The following DHX34 variants were observed in gnomAD, a reference collection of about 807,000 sequenced individuals.
DHX34 encodes the protein DExH-box helicase 34.
Under a neutral mutation model 111.1 loss-of-function variants are expected in DHX34, and 96 were observed. The observed-to-expected ratio is 0.86, with a 90% CI of 0.73 to 1.02. The LOEUF is 1.02. Ranked by LOEUF, DHX34 falls within the 50% of genes least tolerant of loss-of-function variation. DHX34 has a pLI of 0.00. For synonymous variants in DHX34, 688 were observed against 670.4 expected, an observed-to-expected ratio of 1.03 and a Z score of -0.41; for missense variants, 1,560 against 1,579.9, an observed-to-expected ratio of 0.99 and a Z score of 0.21.
intron 7 of DHX34, among the ~76,000 whole-genome samples, chr19:47,368,531 C>T (rs1319030732): frequency 1.3e-5 from 2 of 150,406 alleles, no homozygotes; most frequent in Non-Finnish European, 3.0e-5. Flanking sequence ...GTCTTGAACT[C>T]CCGACCTCAG....
Position 47,381,277 on chromosome 19 carries a change from T to A in DHX34, c.3251T>A (p.Ile1084Asn). The A allele has an allele frequency of 6.2e-7, 1 of 1,613,868 alleles. No individual in the cohort carries two copies. The highest frequency in any genetic ancestry group is 8.5e-7 in the Non-Finnish European group (1 of 1,179,906). ...GCGCCCCTCACGCCCCTGGAGCGCA[T>A]CGCCCATGAGAACACCTGCCCCCAG... ...LHAPLTPLER[I>N]AHENTCPQAP... is the part of the protein sequence containing the mutation. Residue 1084 changes from isoleucine to asparagine, a missense_variant, in exon 16 of 17, where the codon ATC (isoleucine) becomes AAC (asparagine). By Grantham distance (149) the Ile-to-Asn change is moderately radical (BLOSUM62 -3). Coordinates refer to ENST00000328771, the MANE Select transcript of DHX34 (RefSeq NM_014681.6).
At chr19:47,375,767 G>C (rs977387042) in intron 10 of DHX34, 59 bp downstream of exon 10, 1 of 1,364,674 alleles carries the variant, frequency 7.3e-7, no homozygotes, top group African/African-American at 2.3e-5. Flanking sequence ...GGCCTCTCCT[G>C]GGGGGGTCCC....
rs368173613 is a variant in DHX34, at chr19:47,362,759, T to TTTTTA, written c.1593+91_1593+95dup. On this transcript the variant is annotated intron_variant, in intron 6 of 16. Transcript: ENST00000328771. ...GCACAGGGAGGAACCTGGGAGGCCT[T>TTTTTA]TTTTATTTTATTTTATTTTATTTTA... The TTTTTA allele has an allele frequency of 1.9e-3, 2,653 of 1,373,150 alleles. 43 individuals carry two copies. The African/African-American group carries it at 0.026, about 14-fold the overall frequency. The allele number at this position is 1,373,150 out of a possible 1,614,324, so 85.1% of individuals were successfully genotyped here.
In DHX34 at chr19:47,367,171, C is replaced by G. The variant is rs556613844; in HGVS notation, c.1768+16C>G. The stretch of plus-strand genomic sequence containing the variant: ...GTTGTGATTGGTGAGTACCCACCCC[C>G]CTCCTGATCACTCAGGGCCCCAGGA... On this transcript the variant is annotated intron_variant, in intron 7 of 16. Coordinates refer to ENST00000328771, the MANE Select transcript of DHX34 (RefSeq NM_014681.6). 4.1e-5 allele frequency: 60 copies of G among 1,466,858 alleles called. No individual in the cohort carries two copies. The highest frequency in any genetic ancestry group is 5.3e-5 in the Non-Finnish European group (58 of 1,103,632). The allele number at this position is 1,466,858 out of a possible 1,614,324, so 90.9% of individuals were successfully genotyped here. A position where few individuals can be genotyped will look rare whatever the true frequency, so the allele number is the denominator to read the frequency against.
In DHX34 at chr19:47,353,990, T is replaced by C. The variant is rs1482216798; in HGVS notation, c.705+255T>C. On this transcript the variant is annotated intron_variant, in intron 2 of 16. Transcript: ENST00000328771. The surrounding 1 kb of genome is among the most constrained non-coding windows in gnomAD (Gnocchi z 4.6). Reference sequence around the variant, plus strand: ...TCATCACTTTTTTTTTGAGACGGAGTCTCACTCTGTGGCCCAGGCTGGAGT... The same window carrying C: ...TCATCACTTTTTTTTTGAGACGGAGCCTCACTCTGTGGCCCAGGCTGGAGT... 1.3e-5 allele frequency among the ~76,000 whole-genome samples: 2 copies of C among 151,852 alleles called. No individual in the cohort carries two copies. Among genetic ancestry groups the C allele is most frequent in the Admixed American group, 6.6e-5 (1 of 15,238 alleles).
intron 13 of DHX34, among the ~76,000 whole-genome samples, chr19:47,379,236 C>T (rs911802474): frequency 2.0e-5 from 3 of 152,168 alleles, no homozygotes; most frequent in African/African-American, 7.2e-5. Context: ...GTACCATCCC[C>T]GGTCCCCAAA....
In DHX34 at chr19:47,372,933, G is replaced by T. The variant is rs1323267845; in HGVS notation, c.1962+10G>T. ...CAACGCCTGGGTGCAGGTGAGGCTG[G>T]TGGTGGGGGCCCTCTGTCTGTCACC... On this transcript the variant is annotated intron_variant, in intron 8 of 16. Coordinates refer to ENST00000328771, the MANE Select transcript of DHX34 (RefSeq NM_014681.6). The T allele has an allele frequency of 1.3e-6, 2 of 1,583,498 alleles. No homozygotes were observed. Among genetic ancestry groups the T allele is most frequent in the Non-Finnish European group, 1.7e-6 (2 of 1,169,540 alleles).
chr19:47,378,715 A>C (rs1158123524), intron 13 of DHX34, among the ~76,000 whole-genome samples: 2 of 152,216 alleles, frequency 1.3e-5, no homozygotes, highest in African/African-American at 4.8e-5. Context: ...GTGTGCCTGT[A>C]ATCCCAGCTA....
At chr19:47,368,695 T>C (rs1599765869) in intron 7 of DHX34, among the ~76,000 whole-genome samples, 1 of 150,308 alleles carries the variant, frequency 6.7e-6, no homozygotes. Context: ...CACACATATA[T>C]ATACACACAC....
In DHX34 at chr19:47,376,483, C is replaced by G; in HGVS notation, c.2522C>G (p.Pro841Arg). The change falls in exon 12 of 17, where the codon CCC becomes CGC. Residue 841 changes from proline (P) to arginine (R), a missense_variant. By Grantham distance (103) the Pro-to-Arg change is moderately radical. Coordinates refer to ENST00000328771, the MANE Select transcript of DHX34 (RefSeq NM_014681.6). ...GCCAAGCAGGGCGCCGTGCTGCACC[C>G]CACCTGCGTCTTCGCTGGCAGCCCC... is the stretch of plus-strand genomic sequence containing the variant. ...TQAKQGAVLH[P>R]TCVFAGSPEV... 1 of 1,610,050 alleles carries G rather than the reference C, an allele frequency of 6.2e-7. No individual in the cohort carries two copies. The highest frequency in any genetic ancestry group is 8.5e-7 in the Non-Finnish European group (1 of 1,178,562).
intron 9 of DHX34, among the ~76,000 whole-genome samples, chr19:47,374,661 C>G (rs116687555): frequency 1.3e-5 from 2 of 151,994 alleles, no homozygotes; most frequent in Non-Finnish European, 1.5e-5. Flanking sequence ...GTCACCCAGC[C>G]GACACCTCCG....
chr19:47,370,796 C>T (rs1020583669), intron 7 of DHX34, among the ~76,000 whole-genome samples: 12 of 152,192 alleles, frequency 7.9e-5, no homozygotes, highest in African/African-American at 2.9e-4. Context: ...CCCACCTCAG[C>T]CTCCTGAGTA....
At chr19:47,366,897 A>G (rs1969801533) in intron 6 of DHX34, 84 bp from the exon 7 acceptor site, 5 of 1,418,926 alleles carry the variant, frequency 3.5e-6, no homozygotes, top group South Asian at 1.6e-5. Context: ...TTAAAACGTC[A>G]TGAATTTGTG....
At position 47,353,171 on chromosome 19, in the gene DHX34, G is replaced by T; in HGVS notation, c.141G>T (p.Glu47Asp). ...RLLEDAFFRE[E>D]DYIRQGSEEC... is the part of the protein sequence containing the mutation. ...TGGAAGATGCCTTCTTCCGTGAAGA[G>T]GATTACATCCGTCAGGGTTCTGAGG... The change falls in exon 2 of 17, where the codon GAG (glutamate) becomes GAT (aspartate). Residue 47 changes from glutamate to aspartate, a missense_variant. Glu to Asp is a conservative substitution (Grantham distance 45). Coordinates refer to ENST00000328771, the MANE Select transcript of DHX34 (RefSeq NM_014681.6). This position sits in a 1 kb window ranked among gnomAD's most constrained non-coding sequence, Gnocchi z 4.6. 3.7e-6 allele frequency: 6 copies of T among 1,614,158 alleles called. No homozygotes were observed. The highest frequency in any genetic ancestry group is 5.1e-6 in the Non-Finnish European group (6 of 1,180,026).
Position 47,380,636 on chromosome 19 carries a change from A to G in DHX34, c.2983-180A>G, listed in dbSNP as rs1209088621. 5.1e-6 allele frequency: 5 copies of G among 985,186 alleles called. No homozygotes were observed. In the Admixed American group the frequency reaches 2.5e-4, roughly 49 times the overall value. The allele number at this position is 985,186 out of a possible 1,614,324, so 61.0% of individuals were successfully genotyped here. On this transcript the variant is annotated intron_variant, in intron 14 of 16. Coordinates refer to ENST00000328771, the MANE Select transcript of DHX34 (RefSeq NM_014681.6). Reference sequence around the variant, plus strand: ...GCAATTTAGATGGGGGTGGGTTATCAGGTATATTCTAGACAGACCCCTGGT... The same window carrying G: ...GCAATTTAGATGGGGGTGGGTTATCGGGTATATTCTAGACAGACCCCTGGT...
In DHX34 at chr19:47,375,931, A is replaced by G. The variant is rs148716052; in HGVS notation, c.2315A>G (p.Lys772Arg). Reference protein sequence around the residue: ...ASDGVDIQDVKFKLRHDLAQL... With the variant: ...ASDGVDIQDVRFKLRHDLAQL... ...TCCCCGTGCTCCCCCCAGGATGTGA[A>G]GTTCAAGCTTCGGCATGACCTGGCG... Residue 772 changes from lysine (K) to arginine (R), a missense_variant, in exon 11 of 17, where the codon AAG becomes AGG. Physicochemically the swap from Lys to Arg is conservative, Grantham distance 26. Coordinates refer to ENST00000328771, the MANE Select transcript of DHX34 (RefSeq NM_014681.6). The G allele has an allele frequency of 6.2e-7, 1 of 1,601,020 alleles. No individual in the cohort carries two copies.
Position 47,379,991 on chromosome 19 carries a change from C to T in DHX34, c.2982+6C>T, listed in dbSNP as rs201611383. ...TGCAATTCACGGCATCCAAGGTACC[C>T]TCCACCAGGGTGCCCGTGCCTCCCT... is the stretch of plus-strand genomic sequence containing the variant. On this transcript the variant is annotated splice_donor_region_variant and intron_variant, in intron 14 of 16. Transcript: ENST00000328771. 3 of 1,574,550 alleles carry T rather than the reference C, an allele frequency of 1.9e-6. No individual in the cohort carries two copies. Among genetic ancestry groups the T allele is most frequent in the East Asian group, 2.3e-5 (1 of 44,072 alleles).
At chr19:47,373,010 C>G in intron 8 of DHX34, 87 bp downstream of exon 8, 1 of 1,440,100 alleles carries the variant, frequency 6.9e-7, no homozygotes, top group Non-Finnish European at 9.1e-7. Context: ...GTGTCCCACC[C>G]TCAGCCCCAC....
At position 47,379,698 on chromosome 19, in the gene DHX34, CCTCT is replaced by C. The variant is rs763528858; in HGVS notation, c.2707-9_2707-6del. ...CCCACCTACTCCCTGTCTTCTGCCC[CCTCT>C]CTTTCAGTCCCTCCTGCTTTTTAGC... On this transcript the variant is annotated splice_polypyrimidine_tract_variant and splice_region_variant and intron_variant, in intron 13 of 16. Transcript: ENST00000328771. 2.5e-6 allele frequency: 4 copies of C among 1,586,406 alleles called. No individual in the cohort carries two copies. Among genetic ancestry groups the C allele is most frequent in the African/African-American group, 1.3e-5 (1 of 74,646 alleles).
Sources: gnomAD v4.1 joint callset for allele counts (sites outside exome capture counted in the v4.1 genomes callset) on GRCh38, gnomAD v4.1.1 for gene constraint, Gnocchi (gnomAD v3.1) non-coding constraint, MANE v1.5 for transcripts, NCBI Gene and HGNC (gene_info 2026-07-23, HGNC 2026-07-21) for gene names.